Variants in IRAK3 observed in about 807,000 individuals in gnomAD.
The protein encoded by IRAK3 is interleukin-1 receptor-associated kinase 3.
IRAK3 carries 57 observed loss-of-function variants against 56.6 expected under a neutral mutation model. The observed-to-expected ratio is 1.01, with a 90% CI of 0.81 to 1.26. The LOEUF is 1.26. IRAK3 is among the 50% of genes most tolerant of loss of function. The pLI is 0.00. For synonymous variants in IRAK3, 258 were observed against 255.7 expected (o/e 1.01, Z -0.09); for missense variants, 703 against 719.0 (o/e 0.98, Z 0.25).
chr12:66,234,194 A>T, intron 8 of IRAK3: 1 of 1,614,126 alleles, frequency 6.2e-7, no homozygotes, highest in Non-Finnish European at 8.5e-7. Flanking sequence ...ATACTGTGGC[A>T]AGTAGGCTCC....
chr12:66,215,716 G>A (rs886399000), intron 5 of IRAK3, among the ~76,000 whole-genome samples: 13 of 151,656 alleles, frequency 8.6e-5, no homozygotes, highest in Non-Finnish European at 1.0e-4. Flanking sequence ...TTCTCTTAAG[G>A]TGGTAAATGA....
At chr12:66,217,312 A>G (rs1048130439) in intron 6 of IRAK3, 77 bp downstream of exon 6, 3 of 1,071,828 alleles carry the variant, frequency 2.8e-6, no homozygotes, top group African/African-American at 3.1e-5. Context: ...TTTACAGCAC[A>G]GAGCTTGGCG....
chr12:66,227,273 A>G lies in IRAK3; in HGVS notation c.768+436A>G, dbSNP rs561979191. On this transcript the variant is annotated intron_variant, in intron 7 of 11. Coordinates refer to ENST00000261233, the MANE Select transcript of IRAK3 (RefSeq NM_007199.3). ...TAAAGAGAAAGAGGCAGCCTGGACA[A>G]CATAGCCAGATTCTCGCCTCTACTA... is the stretch of plus-strand genomic sequence containing the variant. 2.0e-5 allele frequency among the ~76,000 whole-genome samples: 3 copies of G among 152,310 alleles called. No individual in the cohort carries two copies. In the South Asian group the frequency reaches 6.2e-4, roughly 32 times the overall value.
intron 11 of IRAK3, among the ~76,000 whole-genome samples, chr12:66,245,980 A>G (rs2053029283): frequency 6.6e-6 from 1 of 152,044 alleles, no homozygotes; most frequent in Non-Finnish European, 1.5e-5. Flanking sequence ...TGCTGGGAAT[A>G]TATCAGTGAT....
At chr12:66,196,647 C>T (rs1366666966) in intron 1 of IRAK3, among the ~76,000 whole-genome samples, 3 of 152,110 alleles carry the variant, frequency 2.0e-5, no homozygotes, top group East Asian at 1.9e-4. Context: ...TGGGGTAAAA[C>T]ATACACATGA....
rs1042146274 is a variant in IRAK3 at position 66,253,446 on chromosome 12, T to C, written c.*5275T>C. ...GTATCTGTCTTCCCGTTCCAAATCA[T>C]TTATATATACTTGATGGTCTGTGGG... On this transcript the variant is annotated 3_prime_UTR_variant, in exon 12 of 12. Transcript: ENST00000261233. The C allele has an allele frequency of 1.3e-5, 2 of 152,182 alleles. No individual in the cohort carries two copies. The highest frequency in any genetic ancestry group is 4.8e-5 in the African/African-American group (2 of 41,452). The allele number at this position is 152,182 out of a possible 1,614,324, so 9.4% of individuals were successfully genotyped here.
chr12:66,235,739 T>G (rs1482742800), intron 8 of IRAK3, among the ~76,000 whole-genome samples: 1 of 152,254 alleles, frequency 6.6e-6, no homozygotes, highest in Non-Finnish European at 1.5e-5. Flanking sequence ...ATTATAACTT[T>G]GTATAACTAC....
chr12:66,209,406 T>G, intron 2 of IRAK3, 50 bp from the exon 3 acceptor site: 1 of 1,039,814 alleles, frequency 9.6e-7, no homozygotes, highest in Non-Finnish European at 1.5e-6. Flanking sequence ...AGGAAAAACA[T>G]TAGGGACATA....
intron 8 of IRAK3, among the ~76,000 whole-genome samples, chr12:66,240,204 C>T (rs1208981264): frequency 1.3e-5 from 2 of 152,096 alleles, no homozygotes; most frequent in Non-Finnish European, 2.9e-5. Context: ...GGTAAGAACC[C>T]CGTGAAGTAA....
At chr12:66,235,120 C>T (rs1373096787) in intron 8 of IRAK3, 2 of 1,613,666 alleles carry the variant, frequency 1.2e-6, no homozygotes, top group East Asian at 2.2e-5. Context: ...TTTTGCTGAG[C>T]TGATCCCATC....
rs1173395791 is a variant in IRAK3, at chr12:66,250,729, A to T, written c.*2558A>T. The T allele has an allele frequency of 6.6e-6, 1 of 152,228 alleles. No homozygotes were observed. Among genetic ancestry groups the T allele is most frequent in the African/African-American group, 2.4e-5 (1 of 41,462 alleles). 9.4% of individuals were successfully genotyped at this position (152,228 alleles called of 1,614,324 possible). On this transcript the variant is annotated 3_prime_UTR_variant, in exon 12 of 12. Transcript: ENST00000261233. ...TACTCCGCACATATAATCTGTGGGT[A>T]TTATGTTGATTTGAACTTGCTTAGC...
At chr12:66,210,121 A>T in intron 3 of IRAK3, 26 bp from the exon 4 acceptor site, 1 of 1,413,326 alleles carries the variant, frequency 7.1e-7, no homozygotes, top group Non-Finnish European at 1.0e-6. Context: ...AAATGGAATT[A>T]CTTTAGTATA....
chr12:66,238,216 G>A (rs2052928162), intron 8 of IRAK3, among the ~76,000 whole-genome samples: 4 of 152,204 alleles, frequency 2.6e-5, no homozygotes, highest in African/African-American at 9.7e-5. Flanking sequence ...AGTTTGTCCT[G>A]ACTGCATAGT....
chr12:66,213,592 G>A (rs1229500983), intron 5 of IRAK3, among the ~76,000 whole-genome samples: 2 of 152,180 alleles, frequency 1.3e-5, no homozygotes, highest in Middle Eastern at 3.4e-3. Context: ...ACCACACTAA[G>A]AGTGAACTCT....
At chr12:66,223,585 G>A (rs2052756952) in intron 6 of IRAK3, among the ~76,000 whole-genome samples, 1 of 150,438 alleles carries the variant, frequency 6.6e-6, no homozygotes, top group Non-Finnish European at 1.5e-5. Context: ...CGTGAACCCA[G>A]GAGGCAGAGC....
At chr12:66,218,189 G>A (rs536613966) in intron 6 of IRAK3, among the ~76,000 whole-genome samples, 1 of 152,168 alleles carries the variant, frequency 6.6e-6, no homozygotes, top group African/African-American at 2.4e-5. Flanking sequence ...TTTGTGTGTA[G>A]GCAAATATGT....
In IRAK3 at chr12:66,251,940, T is replaced by C. The variant is rs1244270068; in HGVS notation, c.*3769T>C. 1.3e-5 allele frequency: 2 copies of C among 152,086 alleles called. No individual in the cohort carries two copies. Among genetic ancestry groups the C allele is most frequent in the South Asian group, 4.1e-4 (2 of 4,822 alleles). The allele number at this position is 152,086 out of a possible 1,614,324, so 9.4% of individuals were successfully genotyped here. Reference sequence around the variant, plus strand: ...TGAAAGGGTGAGAAGAAGGAATAGATTACTATGCATTTTTGAGAGGATGAA... The same window carrying C: ...TGAAAGGGTGAGAAGAAGGAATAGACTACTATGCATTTTTGAGAGGATGAA... On this transcript the variant is annotated 3_prime_UTR_variant, in exon 12 of 12. Transcript: ENST00000261233.
chr12:66,237,543 AT>A (rs1472424585), intron 8 of IRAK3, among the ~76,000 whole-genome samples: 1 of 152,210 alleles, frequency 6.6e-6, no homozygotes, highest in African/African-American at 2.4e-5. Flanking sequence ...ACTATAGTAA[AT>A]CAAAAGAGCA....
In IRAK3 at chr12:66,254,072, T is replaced by A. The variant is rs972358651; in HGVS notation, c.*5901T>A. ...AAAGCAATTGACAAAAATGGAATTC[T>A]TGTTCAATACTGGCAGGAGTGAAAA... On this transcript the variant is annotated 3_prime_UTR_variant, in exon 12 of 12. Transcript: ENST00000261233. 2.6e-5 allele frequency: 4 copies of A among 152,216 alleles called. No individual in the cohort carries two copies. Among genetic ancestry groups the A allele is most frequent in the African/African-American group, 9.6e-5 (4 of 41,468 alleles). 9.4% of individuals were successfully genotyped at this position (152,216 alleles called of 1,614,324 possible).
Sources: gnomAD v4.1 joint callset for allele counts (sites outside exome capture counted in the v4.1 genomes callset) on GRCh38, gnomAD v4.1.1 for gene constraint, MANE v1.5 for transcripts, NCBI Gene and HGNC (gene_info 2026-07-23, HGNC 2026-07-21) for gene names.